MYO15A: variants seen among roughly 807,000 people sequenced by gnomAD.
The protein encoded by MYO15A is unconventional myosin-XV.
A neutral mutation model predicts 394.6 loss-of-function variants in MYO15A; 308 were observed. That is an observed-to-expected ratio of 0.78 (90% CI 0.71 to 0.86). MYO15A has a LOEUF of 0.86. MYO15A is among the 40% of genes least tolerant of loss of function. The probability of loss-of-function intolerance (pLI) is 0.00; values close to 1 mark genes in which losing one functional copy is unlikely to be tolerated. For missense variants in MYO15A, 4,606 were observed against 4,799.1 expected, an observed-to-expected ratio of 0.96 and a Z score of 1.19; for synonymous variants, 1,957 against 2,003.8, an observed-to-expected ratio of 0.98 and a Z score of 0.62.
At chr17:18,174,749 T>C (rs972850137) in intron 65 of MYO15A, among the ~76,000 whole-genome samples, 29 of 152,164 alleles carry the variant, frequency 1.9e-4, no homozygotes, top group African/African-American at 7.0e-4. Context: ...AGAATTGAGG[T>C]TGACACCCAC....
rs570222360 is a variant in MYO15A, at chr17:18,120,492, C to T, written c.1692C>T (p.Pro564=). 32 of 1,573,952 alleles carry T rather than the reference C, an allele frequency of 2.0e-5. 1 individual carries two copies. In the East Asian group the frequency reaches 3.5e-4, roughly 17 times the overall value. Residue 564 remains proline (P), a synonymous_variant, in exon 2 of 66, where the codon CCC becomes CCT. Transcript: ENST00000647165. The stretch of plus-strand genomic sequence containing the variant: ...GCTTCGGCCCTGAGTTTGGCCGCCC[C>T]GTGCCTCGCCCTGCCACCTCGCTTG... ...GLGFGPEFGR[P]VPRPATSLAR... is the part of the protein sequence containing the mutation.
intron 56 of MYO15A, among the ~76,000 whole-genome samples, chr17:18,160,554 C>T (rs1269420415): frequency 6.6e-6 from 1 of 152,204 alleles, no homozygotes; most frequent in Non-Finnish European, 1.5e-5. Context: ...CCTTACAGGC[C>T]TGAGTTGGTC....
rs773809213 is a variant in MYO15A at position 18,151,383 on chromosome 17, C to T, written c.7655-12C>T. 7 of 1,614,218 alleles carry T rather than the reference C, an allele frequency of 4.3e-6. No homozygotes were observed. In the South Asian group the frequency reaches 7.7e-5, roughly 18 times the overall value. ...GGCCTCACCCTGTTCCCACCGCGCC[C>T]CTTGCCCACAGCTTCACCCTCCCCA... On this transcript the variant is annotated splice_polypyrimidine_tract_variant and intron_variant, in intron 39 of 65. Transcript: ENST00000647165.
chr17:18,124,087 A>G, intron 2 of MYO15A: 1 of 301,294 alleles, frequency 3.3e-6, no homozygotes. Flanking sequence ...CTGCCCTCCT[A>G]GAGGCCCCAT....
At chr17:18,163,912 C>G in intron 60 of MYO15A, 74 bp downstream of exon 60, 5 of 1,500,664 alleles carry the variant, frequency 3.3e-6, no homozygotes, top group Non-Finnish European at 4.6e-6. Context: ...GGCCCTCCAC[C>G]CAGATTTTAG....
rs200406087 is a variant in MYO15A at position 18,116,929 on chromosome 17, A to T, written c.-219-1653A>T. Among the ~76,000 whole-genome samples, 486 of 132,236 alleles carry T rather than the reference A, an allele frequency of 3.7e-3. 6 individuals carry two copies. Among genetic ancestry groups the T allele is most frequent in the Non-Finnish European group, 3.7e-3 (236 of 64,008 alleles). 86.8% of individuals were successfully genotyped at this position (132,236 alleles called of 152,430 possible). On this transcript the variant is annotated intron_variant, in intron 1 of 65. Transcript: ENST00000647165. Reference sequence around the variant, plus strand: ...AGCGAGACTCTGTCTCAAAAAAAAAAAAAGAAAGAAAGAAAGAACATTGCC... The same window carrying T: ...AGCGAGACTCTGTCTCAAAAAAAAATAAAGAAAGAAAGAAAGAACATTGCC...
chr17:18,159,144 C>A, intron 53 of MYO15A, 131 bp from the exon 54 acceptor site: 1 of 1,361,080 alleles, frequency 7.3e-7, no homozygotes, highest in East Asian at 2.5e-5. Flanking sequence ...GCCTCTGTCC[C>A]CAGTGTTGGG....
chr17:18,154,797 C>A, intron 45 of MYO15A, 42 bp downstream of exon 45: 1 of 1,595,408 alleles, frequency 6.3e-7, no homozygotes, highest in Non-Finnish European at 8.6e-7. Flanking sequence ...GGCAACCAGT[C>A]AGAGGCACAG....
chr17:18,128,285 G>T (rs2046089995), intron 7 of MYO15A, among the ~76,000 whole-genome samples: 1 of 152,124 alleles, frequency 6.6e-6, no homozygotes, highest in Non-Finnish European at 1.5e-5. Context: ...GGAGGTGATG[G>T]ATGCACCACC....
Position 18,117,662 on chromosome 17 carries a change from G to A in MYO15A, c.-219-920G>A, listed in dbSNP as rs371925798. 6.6e-6 allele frequency among the ~76,000 whole-genome samples: 1 copy of A among 152,166 alleles called. No individual in the cohort carries two copies. Among genetic ancestry groups the A allele is most frequent in the South Asian group, 2.1e-4 (1 of 4,826 alleles). ...CCCACCCCCTACCTCTTTTAGTGCA[G>A]GTTCTCAAAAGTGAGTTAGACTGGC... On this transcript the variant is annotated intron_variant, in intron 1 of 65. Transcript: ENST00000647165. The surrounding 1 kb of genome is among the most constrained non-coding windows in gnomAD (Gnocchi z 4.1).
chr17:18,145,527 A>C (rs1169582359), intron 29 of MYO15A, among the ~76,000 whole-genome samples: 1 of 152,132 alleles, frequency 6.6e-6, no homozygotes, highest in Non-Finnish European at 1.5e-5. Context: ...CAGCCTGGGC[A>C]ACATGGTGAA....
Position 18,121,556 on chromosome 17 carries a change from C to A in MYO15A, c.2756C>A (p.Pro919His). The change falls in exon 2 of 66, where the codon CCC becomes CAC. Residue 919 changes from proline to histidine, a missense_variant. By Grantham distance (77) the Pro-to-His change is moderately conservative. This residue lies in a region of MYO15A where 1,830 missense variants were observed against 1,689.7 expected (regional missense o/e 1.08). Transcript: ENST00000647165. The surrounding 1 kb of genome is among the most constrained non-coding windows in gnomAD (Gnocchi z 5.3). ...CGAGAACCCGAGGACTCAGAGACGC[C>A]CTGGACTGTGCCCCCACTGGCCCCC... ...SPREPEDSET[P>H]WTVPPLAPSW... The A allele has an allele frequency of 6.3e-7, 1 of 1,587,752 alleles. No individual in the cohort carries two copies. The highest frequency in any genetic ancestry group is 8.6e-7 in the Non-Finnish European group (1 of 1,167,846).
At chr17:18,126,887 G>T in intron 6 of MYO15A, 22 bp downstream of exon 6, 1 of 1,613,764 alleles carries the variant, frequency 6.2e-7, no homozygotes, top group South Asian at 1.1e-5. Flanking sequence ...GCCTTTATGT[G>T]GGGGATAAAT....
intron 50 of MYO15A, 99 bp from the exon 51 acceptor site, chr17:18,157,623 C>T: frequency 6.4e-7 from 1 of 1,567,340 alleles, no homozygotes; most frequent in Non-Finnish European, 8.6e-7. Context: ...CATAGAGTTC[C>T]AGAGAAGGGT....
Position 18,156,440 on chromosome 17 carries a change from C to A in MYO15A, c.8601+104C>A, listed in dbSNP as rs971459042. On this transcript the variant is annotated intron_variant, in intron 48 of 65. Transcript: ENST00000647165. ...GACTGTGTCCATAGATTTCTGTCTA[C>A]CTTAAGGCCTTTGCACTGGCTGTGC... 15 of 1,328,826 alleles carry A rather than the reference C, an allele frequency of 1.1e-5. No homozygotes were observed. The African/African-American group carries it at 2.0e-4, about 18-fold the overall frequency. The allele number at this position is 1,328,826 out of a possible 1,614,324, so 82.3% of individuals were successfully genotyped here. A position where few individuals can be genotyped will look rare whatever the true frequency, so the allele number is the denominator to read the frequency against.
intron 65 of MYO15A, among the ~76,000 whole-genome samples, chr17:18,174,572 T>G (rs1308997294): frequency 6.6e-6 from 1 of 152,166 alleles, no homozygotes; most frequent in African/African-American, 2.4e-5. Context: ...ATGGTGCCAA[T>G]GCACTCCAGC....
In MYO15A at chr17:18,131,561, T is replaced by C. The variant is rs771381027; in HGVS notation, c.4206+30T>C. The C allele has an allele frequency of 4.0e-5, 65 of 1,613,388 alleles. No homozygotes were observed. In the East Asian group the frequency reaches 1.4e-3, roughly 36 times the overall value. On this transcript the variant is annotated intron_variant, in intron 10 of 65. Coordinates refer to ENST00000647165, the MANE Select transcript of MYO15A (RefSeq NM_016239.4). ...GCCACCCCCTCCCAGGCCTCTGTGT[T>C]GGGCAGGGTCGGGGTGGGAGGTACA...
chr17:18,156,350 C>T lies in MYO15A; in HGVS notation c.8601+14C>T. The T allele has an allele frequency of 6.2e-7, 1 of 1,613,594 alleles. No homozygotes were observed. Among genetic ancestry groups the T allele is most frequent in the Non-Finnish European group, 8.5e-7 (1 of 1,179,650 alleles). ...GAGCTGAAGAAGGTCAGGATCTTCTCACAGATCTTCCCTCCACCCAGGCTG... is the reference window on the plus strand; with the variant it reads ...GAGCTGAAGAAGGTCAGGATCTTCTTACAGATCTTCCCTCCACCCAGGCTG... On this transcript the variant is annotated intron_variant, in intron 48 of 65. Transcript: ENST00000647165.
Position 18,132,418 on chromosome 17 carries a change from G to T in MYO15A, c.4207-35G>T, listed in dbSNP as rs74334274. ...TGCCTGGGGGTCACCTAGGTAGGTG[G>T]CTCCCTTCTCTGTGCCCACCTACCC... On this transcript the variant is annotated intron_variant, in intron 10 of 65. Coordinates refer to ENST00000647165, the MANE Select transcript of MYO15A (RefSeq NM_016239.4). The surrounding 1 kb of genome is among the most constrained non-coding windows in gnomAD (Gnocchi z 4.6). 3,974 of 1,563,202 alleles carry T rather than the reference G, an allele frequency of 2.5e-3. 80 individuals are homozygous for T. The African/African-American group carries it at 0.047, about 18-fold the overall frequency.
Sources: gnomAD v4.1 joint callset for allele counts (sites outside exome capture counted in the v4.1 genomes callset) on GRCh38, gnomAD v4.1.1 for gene constraint, gnomAD v4.1.1 regional missense constraint, Gnocchi (gnomAD v3.1) non-coding constraint, MANE v1.5 for transcripts, NCBI Gene and HGNC (gene_info 2026-07-23, HGNC 2026-07-21) for gene names.